ACAD11: variants seen among roughly 807,000 people sequenced by gnomAD.
The protein encoded by ACAD11 is acyl-CoA dehydrogenase family member 11, also known as acyl-Coenzyme A dehydrogenase family, member 11.
Under a neutral mutation model 102.2 loss-of-function variants are expected in ACAD11, and 83 were observed. The observed-to-expected ratio is 0.81, with a 90% CI of 0.68 to 0.97. ACAD11 has a LOEUF of 0.97. Among genes scored for constraint, ACAD11 ranks in the 50% least tolerant of loss-of-function variants. The pLI is 0.00. For missense variants in ACAD11, 901 were observed against 951.7 expected (o/e 0.95, Z 0.70); for synonymous variants, 324 against 319.8 (o/e 1.01, Z -0.14).
chr3:132,627,801 C>T (rs1409663232), intron 8 of ACAD11, among the ~76,000 whole-genome samples: 2 of 152,140 alleles, frequency 1.3e-5, no homozygotes, highest in African/African-American at 4.8e-5. Context: ...TAACATTATG[C>T]CATGGGTACT....
At chr3:132,643,790 T>A (rs1559975223) in intron 2 of ACAD11, among the ~76,000 whole-genome samples, 1 of 152,078 alleles carries the variant, frequency 6.6e-6, no homozygotes. Flanking sequence ...ATCACAGAGC[T>A]GGAGCATTGC....
intron 9 of ACAD11, 112 bp downstream of exon 9, chr3:132,626,579 G>C (rs1939822124): frequency 8.1e-7 from 1 of 1,236,274 alleles, no homozygotes; most frequent in Admixed American, 2.0e-5. Flanking sequence ...GAAGAATCTA[G>C]GTAAGGATTG....
intron 11 of ACAD11, among the ~76,000 whole-genome samples, chr3:132,614,521 C>G (rs1202487510): frequency 6.6e-6 from 1 of 152,120 alleles, no homozygotes; most frequent in African/African-American, 2.4e-5. Flanking sequence ...AATAACGCCA[C>G]ACATCTACAA....
chr3:132,621,356 T>C (rs1045617466), intron 9 of ACAD11: 2 of 152,190 alleles, frequency 1.3e-5, no homozygotes, highest in Admixed American at 6.5e-5. Flanking sequence ...CAGTTAAGAT[T>C]GAGAGCTGAC....
chr3:132,563,580 T>C (rs987626483), intron 17 of ACAD11, among the ~76,000 whole-genome samples: 11 of 152,202 alleles, frequency 7.2e-5, no homozygotes, highest in Admixed American at 1.3e-4. Context: ...CCATTGTTCA[T>C]TGCTTGTATA....
At chr3:132,657,091 A>C (rs1023190497) in intron 1 of ACAD11, among the ~76,000 whole-genome samples, 1 of 152,282 alleles carries the variant, frequency 6.6e-6, no homozygotes, top group African/African-American at 2.4e-5. Context: ...CTAAAGTCAA[A>C]AATATAACTT....
At chr3:132,604,938 T>C in intron 12 of ACAD11, 160 bp downstream of exon 12, 1 of 507,184 alleles carries the variant, frequency 2.0e-6, no homozygotes, top group Non-Finnish European at 3.5e-6. Context: ...CATTTGAAAA[T>C]GCCAAAATTT....
chr3:132,583,504 C>G (rs1482998461), intron 13 of ACAD11, among the ~76,000 whole-genome samples: 1 of 152,138 alleles, frequency 6.6e-6, no homozygotes, highest in Non-Finnish European at 1.5e-5. Context: ...AAACCAGCTC[C>G]TGGATTCACT....
At chr3:132,565,041 C>G (rs1309791309) in intron 17 of ACAD11, among the ~76,000 whole-genome samples, 1 of 152,114 alleles carries the variant, frequency 6.6e-6, no homozygotes, top group African/African-American at 2.4e-5. Flanking sequence ...ATCTCTCTAA[C>G]CAAAGGATCA....
chr3:132,645,597 A>T (rs909042388), intron 1 of ACAD11, among the ~76,000 whole-genome samples: 3 of 152,234 alleles, frequency 2.0e-5, no homozygotes, highest in Non-Finnish European at 4.4e-5. Context: ...TGAAGAATCC[A>T]ACTGTATAAA....
intron 5 of ACAD11, among the ~76,000 whole-genome samples, chr3:132,633,705 A>G (rs867023439): frequency 1.6e-4 from 24 of 152,224 alleles, no homozygotes; most frequent in Non-Finnish European, 1.3e-4. Context: ...GTACTAAAAC[A>G]GAGTAATAGA....
At chr3:132,560,787 C>T (rs74722073) in intron 18 of ACAD11, among the ~76,000 whole-genome samples, 4 of 152,124 alleles carry the variant, frequency 2.6e-5, no homozygotes, top group East Asian at 1.9e-4. Context: ...GTACTTTGCC[C>T]GTGATCACAA....
intron 5 of ACAD11, among the ~76,000 whole-genome samples, chr3:132,634,266 A>C (rs1940179544): frequency 6.6e-6 from 1 of 152,262 alleles, no homozygotes; most frequent in South Asian, 2.1e-4. Flanking sequence ...GACACTTCTC[A>C]AAAGAAGACA....
In ACAD11 at chr3:132,626,674, G is replaced by T. The variant is rs1410863776; in HGVS notation, c.1197+17C>A. On this transcript the variant is annotated intron_variant, in intron 9 of 19. Coordinates refer to ENST00000264990, the MANE Select transcript of ACAD11 (RefSeq NM_032169.5). ...TAGTCCTTTAGCAGAAATACATTCT[G>T]CTTATATAATACTCACCTTTTCAGC... The T allele has an allele frequency of 6.2e-7, 1 of 1,612,216 alleles. No individual in the cohort carries two copies. Among genetic ancestry groups the T allele is most frequent in the Non-Finnish European group, 8.5e-7 (1 of 1,179,566 alleles).
chr3:132,618,759 A>G lies in ACAD11; in HGVS notation c.1289T>C (p.Val430Ala), dbSNP rs1171498634. ...VIDKLKEMAK[V>A]EGLWNLFLPA... ...CAAAAACAAGTTCCAGAGACCCTCG[A>G]CTTTGGCCATTTCCTGTCAAGGTGA... The change falls in exon 11 of 20, where the codon GTC (valine) becomes GCC (alanine). Residue 430 changes from valine to alanine, a missense_variant. Physicochemically the swap from Val to Ala is moderately conservative, Grantham distance 64. Coordinates refer to ENST00000264990, the MANE Select transcript of ACAD11 (RefSeq NM_032169.5). The G allele has an allele frequency of 4.4e-6, 7 of 1,593,088 alleles. No homozygotes were observed. Among genetic ancestry groups the G allele is most frequent in the Non-Finnish European group, 5.1e-6 (6 of 1,172,220 alleles).
chr3:132,641,580 A>AAGC (rs1940503396), intron 4 of ACAD11, among the ~76,000 whole-genome samples: 1 of 150,656 alleles, frequency 6.6e-6, no homozygotes, highest in Non-Finnish European at 1.5e-5. Context: ...GAAGAAGAAG[A>AAGC]AGAAGAAGAA....
intron 1 of ACAD11, among the ~76,000 whole-genome samples, chr3:132,652,676 T>C (rs1389468323): frequency 6.6e-6 from 1 of 152,152 alleles, no homozygotes; most frequent in Non-Finnish European, 1.5e-5. Context: ...AAAAAAATTA[T>C]ATACAAGTGA....
At chr3:132,611,858 G>A (rs1295076355) in intron 11 of ACAD11, among the ~76,000 whole-genome samples, 1 of 151,988 alleles carries the variant, frequency 6.6e-6, no homozygotes, top group Non-Finnish European at 1.5e-5. Flanking sequence ...TTTCTTCACA[G>A]AATTGGAAAA....
At chr3:132,624,110 T>A (rs1300022100) in intron 9 of ACAD11, among the ~76,000 whole-genome samples, 1 of 149,208 alleles carries the variant, frequency 6.7e-6, no homozygotes, top group Non-Finnish European at 1.5e-5. Flanking sequence ...AAGCCAGTAG[T>A]TCTGGGCAAC....
Sources: allele counts gnomAD v4.1 joint callset (sites outside exome capture counted in the v4.1 genomes callset), GRCh38; gene constraint gnomAD v4.1.1; transcripts MANE v1.5; gene names NCBI Gene and HGNC (gene_info 2026-07-23, HGNC 2026-07-21).